SLC39A11: variants seen among roughly 807,000 people sequenced by gnomAD.
SLC39A11 encodes solute carrier family 39 member 11.
SLC39A11 carries 33 observed loss-of-function variants against 36.1 expected under a neutral mutation model. That is an observed-to-expected ratio of 0.91 (90% CI 0.69 to 1.22). The LOEUF (loss-of-function observed/expected upper bound fraction) is 1.22, where lower values mean the gene tolerates loss of function less well. Ranked by LOEUF, SLC39A11 falls within the 50% of genes most tolerant of loss-of-function variation. SLC39A11 has a pLI of 0.00. For synonymous variants in SLC39A11, 166 were observed against 170.3 expected, an observed-to-expected ratio of 0.97 and a Z score of 0.20; for missense variants, 432 against 430.3, an observed-to-expected ratio of 1.00 and a Z score of -0.03.
At chr17:72,953,927 G>A (rs1176538134) in intron 4 of SLC39A11, among the ~76,000 whole-genome samples, 5 of 152,206 alleles carry the variant, frequency 3.3e-5, no homozygotes. Flanking sequence ...ACCTTCTATC[G>A]CACGGATTCA....
intron 6 of SLC39A11, among the ~76,000 whole-genome samples, chr17:72,847,470 G>A (rs2079106221): frequency 1.3e-5 from 2 of 151,756 alleles, no homozygotes; most frequent in South Asian, 2.1e-4. Context: ...AAAGAAAAGG[G>A]TCAAGAGGGG....
intron 4 of SLC39A11, among the ~76,000 whole-genome samples, chr17:72,967,209 A>T (rs2087052790): frequency 6.6e-6 from 1 of 152,302 alleles, no homozygotes; most frequent in South Asian, 2.1e-4. Context: ...TGCTTGAATC[A>T]TCCCACAACC....
intron 6 of SLC39A11, among the ~76,000 whole-genome samples, chr17:72,750,433 G>C (rs955856938): frequency 7.2e-6 from 1 of 139,350 alleles, no homozygotes; most frequent in Non-Finnish European, 1.6e-5. Flanking sequence ...GAGGTGGGGT[G>C]GGGGGTGGGG....
chr17:73,006,247 A>G (rs2090174464), intron 4 of SLC39A11, among the ~76,000 whole-genome samples: 1 of 152,176 alleles, frequency 6.6e-6, no homozygotes, highest in Admixed American at 6.5e-5. Context: ...AGCATACATA[A>G]TTTTCATCAT....
intron 6 of SLC39A11, among the ~76,000 whole-genome samples, chr17:72,755,980 A>G (rs114607131): frequency 0.017 from 2,530 of 152,316 alleles, 67 homozygotes; most frequent in African/African-American, 0.056. Flanking sequence ...CAATATGGGT[A>G]ACGTTTGAAA....
intron 5 of SLC39A11, among the ~76,000 whole-genome samples, chr17:72,945,623 G>T (rs1416663213): frequency 1.3e-5 from 2 of 152,172 alleles, no homozygotes; most frequent in African/African-American, 2.4e-5. Flanking sequence ...ATTTGCTTTT[G>T]CAGCTGAACA....
intron 3 of SLC39A11, among the ~76,000 whole-genome samples, chr17:73,042,001 A>C (rs2059126387): frequency 6.6e-6 from 1 of 151,838 alleles, no homozygotes; most frequent in African/African-American, 2.4e-5. Context: ...AGGTACCAGC[A>C]TAGAATGATT....
rs746470208 is a variant in SLC39A11, at chr17:73,084,769, A to G, written c.147+39T>C. On this transcript the variant is annotated intron_variant, in intron 3 of 9. Transcript: ENST00000255559. The stretch of plus-strand genomic sequence containing the variant: ...TTGGCAGACACATGTCAGAATCAGT[A>G]TGCCTCAATTTCCATTTCTCCTACT... 3 of 1,609,426 alleles carry G rather than the reference A, an allele frequency of 1.9e-6. No homozygotes were observed. The South Asian group carries it at 3.3e-5, about 18-fold the overall frequency.
At chr17:73,018,487 G>A (rs1262693058) in intron 4 of SLC39A11, among the ~76,000 whole-genome samples, 2 of 152,020 alleles carry the variant, frequency 1.3e-5, no homozygotes, top group Non-Finnish European at 2.9e-5. Context: ...AGCAGAGGTT[G>A]AAGTGAGCCA....
At position 72,662,720 on chromosome 17, in the gene SLC39A11, AAG is replaced by A. The variant is rs372072530; in HGVS notation, c.672-13454_672-13453del. Among the ~76,000 whole-genome samples, 136 of 150,196 alleles carry A rather than the reference AAG, an allele frequency of 9.1e-4. 2 individuals are homozygous for A. In the East Asian group the frequency reaches 0.02, roughly 22 times the overall value. ...AAGGAAGGAGGGAAGAAAGAGAAGA[AAG>A]AGAGAGAGAGAAAGAAAAAAGAAAA... On this transcript the variant is annotated intron_variant, in intron 7 of 9. Transcript: ENST00000255559.
intron 4 of SLC39A11, among the ~76,000 whole-genome samples, chr17:72,985,368 C>A: frequency 1.4e-5 from 2 of 147,994 alleles, no homozygotes; most frequent in Admixed American, 6.7e-5. Flanking sequence ...TTGTGACATT[C>A]ATTTCCATGC....
chr17:73,020,796 C>T (rs1598884466), intron 4 of SLC39A11, among the ~76,000 whole-genome samples: 2 of 151,174 alleles, frequency 1.3e-5, no homozygotes, highest in East Asian at 3.9e-4. Context: ...AATTCTCCTG[C>T]CCCAGCCTCC....
At chr17:72,962,135 G>C (rs1482206346) in intron 4 of SLC39A11, among the ~76,000 whole-genome samples, 1 of 152,164 alleles carries the variant, frequency 6.6e-6, no homozygotes, top group Non-Finnish European at 1.5e-5. Flanking sequence ...TGTGGAGACT[G>C]GCATCTTCCC....
At chr17:72,669,908 ACG>A in intron 7 of SLC39A11, among the ~76,000 whole-genome samples, 1 of 151,256 alleles carries the variant, frequency 6.6e-6, no homozygotes, top group Non-Finnish European at 1.5e-5. Flanking sequence ...ACATATATAT[ACG>A]TATAGATGTA....
chr17:72,731,882 C>T (rs760968113), intron 7 of SLC39A11, among the ~76,000 whole-genome samples: 54 of 151,880 alleles, frequency 3.6e-4, no homozygotes, highest in Non-Finnish European at 5.6e-4. Flanking sequence ...CCCACCATCA[C>T]GCCTGGCTAG....
At chr17:72,731,857 C>G (rs1246200112) in intron 7 of SLC39A11, among the ~76,000 whole-genome samples, 1 of 151,608 alleles carries the variant, frequency 6.6e-6, no homozygotes, top group Non-Finnish European at 1.5e-5. Flanking sequence ...TCCTGAGTAG[C>G]TGGGATTACA....
intron 3 of SLC39A11, among the ~76,000 whole-genome samples, chr17:73,069,700 G>A (rs2144486366): frequency 6.6e-6 from 1 of 152,250 alleles, no homozygotes; most frequent in East Asian, 1.9e-4. Context: ...AAGGGCTAAA[G>A]GACAAAACTT....
intron 7 of SLC39A11, among the ~76,000 whole-genome samples, chr17:72,655,256 C>T (rs1265545006): frequency 2.0e-5 from 3 of 152,256 alleles, no homozygotes; most frequent in African/African-American, 7.2e-5. Flanking sequence ...CAAGTTCCCT[C>T]GCCCCGCTGC....
At chr17:72,674,593 G>T (rs114071235) in intron 7 of SLC39A11, among the ~76,000 whole-genome samples, 1 of 152,168 alleles carries the variant, frequency 6.6e-6, no homozygotes, top group South Asian at 2.1e-4. Flanking sequence ...AAGGAAATGC[G>T]TATGTACTTT....
Sources: allele counts gnomAD v4.1 joint callset (sites outside exome capture counted in the v4.1 genomes callset), GRCh38; gene constraint gnomAD v4.1.1; transcripts MANE v1.5; gene names NCBI Gene and HGNC (gene_info 2026-07-23, HGNC 2026-07-21).